Variants in SRGAP2C observed in about 807,000 individuals in gnomAD.
SRGAP2C encodes the protein SLIT-ROBO Rho GTPase activating protein 2C.
Under a neutral mutation model 25.1 loss-of-function variants are expected in SRGAP2C, and 15 were observed. That is an observed-to-expected ratio of 0.60 (90% CI 0.40 to 0.92). The LOEUF is 0.92. SRGAP2C is among the 40% of genes least tolerant of loss of function. SRGAP2C has a pLI of 0.00. For synonymous variants in SRGAP2C, 44 were observed against 96.6 expected (o/e 0.46, Z 3.19); for missense variants, 144 against 264.4 (o/e 0.54, Z 3.16).
At chr1:121,238,310 G>C (rs1656007229) in intron 2 of SRGAP2C, among the ~76,000 whole-genome samples, 1 of 151,664 alleles carries the variant, frequency 6.6e-6, no homozygotes, top group South Asian at 2.1e-4. Context: ...GGTACTTATT[G>C]AGTTACCACA....
intron 3 of SRGAP2C, among the ~76,000 whole-genome samples, chr1:121,287,865 T>A (rs1657409839): frequency 6.6e-6 from 1 of 151,902 alleles, no homozygotes; most frequent in Non-Finnish European, 1.5e-5. Flanking sequence ...AGGCAGCGCG[T>A]CTGGAGTTGT....
chr1:121,273,996 T>G (rs587610372), intron 2 of SRGAP2C, among the ~76,000 whole-genome samples: 1 of 151,380 alleles, frequency 6.6e-6, no homozygotes, highest in South Asian at 2.1e-4. Context: ...AGCAAGGTAG[T>G]TGTGTTCATC....
chr1:121,244,307 T>TA (rs1223130923), intron 2 of SRGAP2C, among the ~76,000 whole-genome samples: 2 of 114,468 alleles, frequency 1.7e-5, no homozygotes, highest in African/African-American at 3.6e-5. Flanking sequence ...ATTACTTTGG[T>TA]AAAAAAATAA....
rs1381232718 is a variant in SRGAP2C at position 121,392,506 on chromosome 1, G to T, written c.*4651G>T. Reference sequence around the variant, plus strand: ...TGAGATTTATAGTCACTCAAATAAAGAGATAACCCAAACATAAGCGTCACA... The same window carrying T: ...TGAGATTTATAGTCACTCAAATAAATAGATAACCCAAACATAAGCGTCACA... On this transcript the variant is annotated 3_prime_UTR_variant, in exon 10 of 10. Transcript: ENST00000367123. 1 of 148,456 alleles carries T rather than the reference G, an allele frequency of 6.7e-6. No individual in the cohort carries two copies. The highest frequency in any genetic ancestry group is 2.5e-5 in the African/African-American group (1 of 39,826). 9.2% of individuals were successfully genotyped at this position (148,456 alleles called of 1,614,324 possible).
intron 3 of SRGAP2C, among the ~76,000 whole-genome samples, chr1:121,295,327 T>C (rs1195447583): frequency 6.6e-6 from 1 of 151,652 alleles, no homozygotes; most frequent in African/African-American, 2.4e-5. Flanking sequence ...AGGTATGAAT[T>C]CTGATTAAGG....
chr1:121,354,881 C>CA lies in SRGAP2C; in HGVS notation c.424-10406dup, dbSNP rs1425294223. Reference sequence around the variant, plus strand: ...GTGAAACTCTGTCTTTACTAAAATACAAAAAATTATCCAGGCATGGTGGTG... The same window carrying CA: ...GTGAAACTCTGTCTTTACTAAAATACAAAAAAATTATCCAGGCATGGTGGTG... On this transcript the variant is annotated intron_variant, in intron 4 of 9. Transcript: ENST00000367123. Among the ~76,000 whole-genome samples, 4 of 30,052 alleles carry CA rather than the reference C, an allele frequency of 1.3e-4. No individual in the cohort carries two copies. In the South Asian group the frequency reaches 4.1e-3, roughly 31 times the overall value. 19.7% of individuals were successfully genotyped at this position (30,052 alleles called of 152,430 possible). A position where few individuals can be genotyped will look rare whatever the true frequency, so the allele number is the denominator to read the frequency against.
rs1254706918 is a variant in SRGAP2C at position 121,185,022 on chromosome 1, G to C, written c.-645G>C. The C allele has an allele frequency of 1.9e-6, 1 of 516,682 alleles. No homozygotes were observed. Among genetic ancestry groups the C allele is most frequent in the South Asian group, 2.9e-5 (1 of 34,392 alleles). 32.0% of individuals were successfully genotyped at this position (516,682 alleles called of 1,614,324 possible). On this transcript the variant is annotated 5_prime_UTR_variant, in exon 1 of 10. Coordinates refer to ENST00000367123, the MANE Select transcript of SRGAP2C (RefSeq NM_001329984.2). ...GGCGGCGGAGGCTCCTCCAGGGACTGGGGCACCGATCTGCGTAGAAACGGG... is the reference window on the plus strand; with the variant it reads ...GGCGGCGGAGGCTCCTCCAGGGACTCGGGCACCGATCTGCGTAGAAACGGG...
chr1:121,271,077 G>T (rs1200500602), intron 2 of SRGAP2C, among the ~76,000 whole-genome samples: 1 of 151,282 alleles, frequency 6.6e-6, no homozygotes, highest in South Asian at 2.1e-4. Flanking sequence ...GATTATAGGC[G>T]TGAGCCACCG....
At chr1:121,255,264 G>A (rs371743365) in intron 2 of SRGAP2C, among the ~76,000 whole-genome samples, 22 of 150,628 alleles carry the variant, frequency 1.5e-4, no homozygotes, top group Admixed American at 2.7e-4. Context: ...CTTCATTTTC[G>A]TAAAAATCCG....
intron 2 of SRGAP2C, among the ~76,000 whole-genome samples, chr1:121,271,102 G>C (rs1344442794): frequency 6.8e-6 from 1 of 146,640 alleles, no homozygotes; most frequent in Non-Finnish European, 1.5e-5. Flanking sequence ...CAGCTGGACT[G>C]TTTTTTTTTT....
chr1:121,249,531 T>C (rs1169351367), intron 2 of SRGAP2C, among the ~76,000 whole-genome samples: 1 of 53,876 alleles, frequency 1.9e-5, no homozygotes, highest in Non-Finnish European at 3.4e-5. Context: ...CAAAAGGGCT[T>C]ATGATGAACA....
At chr1:121,266,721 C>A (rs1188121747) in intron 2 of SRGAP2C, among the ~76,000 whole-genome samples, 1 of 130,824 alleles carries the variant, frequency 7.6e-6, no homozygotes, top group Admixed American at 7.8e-5. Context: ...CATTAAGTTC[C>A]ATGATGCCAG....
intron 2 of SRGAP2C, among the ~76,000 whole-genome samples, chr1:121,234,894 C>A (rs1295285845): frequency 2.6e-5 from 4 of 151,448 alleles, no homozygotes; most frequent in Non-Finnish European, 4.4e-5. Flanking sequence ...TCACCAGAGG[C>A]AGGTTCCTTG....
chr1:121,372,265 A>G (rs1175330852), intron 5 of SRGAP2C, among the ~76,000 whole-genome samples: 6 of 152,174 alleles, frequency 3.9e-5, no homozygotes, highest in African/African-American at 1.4e-4. Context: ...GTATACCCAC[A>G]AAGTCTTTCT....
At chr1:121,347,046 C>T (rs1483173744) in intron 4 of SRGAP2C, among the ~76,000 whole-genome samples, 1 of 150,176 alleles carries the variant, frequency 6.7e-6, no homozygotes, top group Admixed American at 6.7e-5. Flanking sequence ...GGAGCTACCA[C>T]AGCATAGGAA....
At chr1:121,193,667 C>CTT (rs60707143) in intron 2 of SRGAP2C, among the ~76,000 whole-genome samples, 277 of 19,708 alleles carry the variant, frequency 0.014, 17 homozygotes, top group African/African-American at 0.06. Flanking sequence ...GTTCTTTTTT[C>CTT]TTTTTTTTTT....
intron 2 of SRGAP2C, among the ~76,000 whole-genome samples, chr1:121,280,632 G>A (rs2101563001): frequency 1.3e-5 from 2 of 151,372 alleles, no homozygotes; most frequent in East Asian, 3.9e-4. Flanking sequence ...ATCACTCCAG[G>A]TGACTCATGG....
intron 2 of SRGAP2C, among the ~76,000 whole-genome samples, chr1:121,202,428 T>C (rs1266880631): frequency 2.1e-5 from 3 of 143,704 alleles, no homozygotes; most frequent in Non-Finnish European, 4.6e-5. Flanking sequence ...TACTGTATGT[T>C]GTCTTTTTTT....
At chr1:121,267,387 C>A (rs1191857857) in intron 2 of SRGAP2C, among the ~76,000 whole-genome samples, 2 of 150,572 alleles carry the variant, frequency 1.3e-5, no homozygotes, top group Non-Finnish European at 3.0e-5. Context: ...AGATGGGGTT[C>A]TGCCATGTTG....
Sources: gnomAD v4.1 joint callset for allele counts (sites outside exome capture counted in the v4.1 genomes callset) on GRCh38, gnomAD v4.1.1 for gene constraint, MANE v1.5 for transcripts, NCBI Gene and HGNC (gene_info 2026-07-23, HGNC 2026-07-21) for gene names.